Variants in USP34 observed in about 807,000 individuals in gnomAD.
USP34 encodes ubiquitin specific peptidase 34.
In USP34, 70 loss-of-function variants were observed where a neutral mutation model predicts 460.3. That is an observed-to-expected ratio of 0.15 (90% CI 0.13 to 0.19). The LOEUF (loss-of-function observed/expected upper bound fraction) is 0.19, where lower values mean the gene tolerates loss of function less well. Ranked by LOEUF, USP34 falls within the 10% of genes least tolerant of loss-of-function variation. The pLI is 1.00. For synonymous variants in USP34, 1,647 were observed against 1,405.3 expected (o/e 1.17, Z -3.85); for missense variants, 3,985 against 4,236.2 (o/e 0.94, Z 1.65).
intron 1 of USP34, among the ~76,000 whole-genome samples, chr2:61,463,529 A>G (rs1695668892): frequency 6.6e-6 from 1 of 152,022 alleles, no homozygotes; most frequent in Admixed American, 6.6e-5. Flanking sequence ...AATTTATACA[A>G]TGTTAACTAG....
intron 53 of USP34, among the ~76,000 whole-genome samples, chr2:61,237,410 C>T (rs1688099274): frequency 3.3e-5 from 5 of 152,106 alleles, no homozygotes; most frequent in Admixed American, 2.6e-4. Flanking sequence ...TCAACATGAT[C>T]TCCTGGACCT....
chr2:61,188,035 A>C lies in USP34; in HGVS notation c.*67T>G. ...AACTGAAGCACAAAAACAAATAAGC[A>C]AAACTTATACAAACAGCATGGGGGT... On this transcript the variant is annotated 3_prime_UTR_variant, in exon 80 of 80. Coordinates refer to ENST00000398571, the MANE Select transcript of USP34 (RefSeq NM_014709.4). 6.5e-7 allele frequency: 1 copy of C among 1,535,550 alleles called. No homozygotes were observed. The highest frequency in any genetic ancestry group is 1.4e-5 in the African/African-American group (1 of 72,250).
intron 10 of USP34, among the ~76,000 whole-genome samples, chr2:61,364,948 T>TATAA (rs554653056): frequency 0.015 from 2,192 of 148,680 alleles, 50 homozygotes; most frequent in African/African-American, 0.05. Context: ...AATTTAAAAA[T>TATAA]ATAAATAAAT....
intron 10 of USP34, among the ~76,000 whole-genome samples, chr2:61,366,974 A>G (rs1692460412): frequency 6.6e-6 from 1 of 152,146 alleles, no homozygotes; most frequent in South Asian, 2.1e-4. Flanking sequence ...ACTTGAGCCC[A>G]GGAGGCAGAA....
chr2:61,304,584 A>G (rs1009471666), intron 27 of USP34, among the ~76,000 whole-genome samples: 4 of 152,210 alleles, frequency 2.6e-5, no homozygotes, highest in African/African-American at 9.7e-5. Flanking sequence ...AGCTTGCTTG[A>G]GCCTTCTACC....
intron 75 of USP34, among the ~76,000 whole-genome samples, chr2:61,202,431 C>T (rs1193546221): frequency 6.6e-6 from 1 of 152,058 alleles, no homozygotes; most frequent in Admixed American, 6.5e-5. Flanking sequence ...CTCTGGAAGT[C>T]CTGAGATAGA....
chr2:61,270,537 G>A (rs1028599542), intron 41 of USP34, among the ~76,000 whole-genome samples: 1 of 152,198 alleles, frequency 6.6e-6, no homozygotes, highest in South Asian at 2.1e-4. Flanking sequence ...CCTGGTTCAA[G>A]GGATTCTCGT....
intron 71 of USP34, 99 bp downstream of exon 71, chr2:61,206,661 A>T: frequency 6.9e-7 from 1 of 1,445,924 alleles, no homozygotes; most frequent in Non-Finnish European, 9.3e-7. Flanking sequence ...CTGTGCATAA[A>T]CTAGGATAAA....
intron 41 of USP34, among the ~76,000 whole-genome samples, chr2:61,276,485 A>C (rs1197461922): frequency 6.6e-6 from 1 of 152,182 alleles, no homozygotes; most frequent in Non-Finnish European, 1.5e-5. Flanking sequence ...TGAATTTTAT[A>C]CATGCGTATT....
intron 18 of USP34, among the ~76,000 whole-genome samples, chr2:61,335,208 T>C (rs1047237394): frequency 5.3e-5 from 8 of 152,194 alleles, no homozygotes; most frequent in Non-Finnish European, 4.4e-5. Context: ...ATAAAACTCG[T>C]TCCAATAAAG....
In USP34 at chr2:61,280,106, A is replaced by G. The variant is rs527619806; in HGVS notation, c.5256+138T>C. ...TAGAAGAAGGTGGAAAAGCACAAAT[A>G]TAGTAGAAATAGGACACCACCACCA... is the stretch of plus-strand genomic sequence containing the variant. On this transcript the variant is annotated intron_variant, in intron 39 of 79. Transcript: ENST00000398571. The G allele has an allele frequency of 1.0e-4, 47 of 470,758 alleles. No individual in the cohort carries two copies. The South Asian group carries it at 2.9e-3, about 29-fold the overall frequency. The allele number at this position is 470,758 out of a possible 1,614,324, so 29.2% of individuals were successfully genotyped here. A position where few individuals can be genotyped will look rare whatever the true frequency, so the allele number is the denominator to read the frequency against.
intron 1 of USP34, among the ~76,000 whole-genome samples, chr2:61,440,159 C>G (rs1345163723): frequency 6.6e-6 from 1 of 152,138 alleles, no homozygotes; most frequent in African/African-American, 2.4e-5. Context: ...TCTAGGGCAT[C>G]AGGGTGGGCT....
intron 5 of USP34, among the ~76,000 whole-genome samples, chr2:61,393,209 T>C (rs1316017369): frequency 6.6e-6 from 1 of 152,120 alleles, no homozygotes; most frequent in Non-Finnish European, 1.5e-5. Flanking sequence ...GGCAGGAGGA[T>C]CACCTGAGGT....
chr2:61,398,380 A>G (rs1301841424), intron 3 of USP34, among the ~76,000 whole-genome samples: 1 of 143,254 alleles, frequency 7.0e-6, no homozygotes, highest in Non-Finnish European at 1.5e-5. Flanking sequence ...GAAGGAGGAG[A>G]GAGATGGGGG....
Position 61,278,560 on chromosome 2 carries a change from A to C in USP34, c.5257-117T>G, listed in dbSNP as rs1689441505. ...ATAATTTAGTTCTCCCAAATTCAAT[A>C]AGTTATAAACGTAATACACCTACTC... On this transcript the variant is annotated intron_variant, in intron 39 of 79. Coordinates refer to ENST00000398571, the MANE Select transcript of USP34 (RefSeq NM_014709.4). 16 of 792,354 alleles carry C rather than the reference A, an allele frequency of 2.0e-5. No homozygotes were observed. In the East Asian group the frequency reaches 4.5e-4, roughly 22 times the overall value. 49.1% of individuals were successfully genotyped at this position (792,354 alleles called of 1,614,324 possible).
intron 2 of USP34, chr2:61,417,143 T>C: frequency 6.3e-7 from 1 of 1,575,972 alleles, no homozygotes; most frequent in Non-Finnish European, 8.6e-7. Flanking sequence ...ATGTGAACCC[T>C]GGCCACAGTG....
At chr2:61,219,824 T>C (rs1687507309) in intron 67 of USP34, among the ~76,000 whole-genome samples, 1 of 152,122 alleles carries the variant, frequency 6.6e-6, no homozygotes, top group South Asian at 2.1e-4. Flanking sequence ...ACTATCAAAA[T>C]AACATTTTCT....
chr2:61,413,836 CAGG>C (rs1454168025), intron 2 of USP34, among the ~76,000 whole-genome samples: 3 of 144,426 alleles, frequency 2.1e-5, no homozygotes, highest in Non-Finnish European at 3.0e-5. Context: ...GAGGCTGAGG[CAGG>C]AGAATTGCCT....
intron 1 of USP34, among the ~76,000 whole-genome samples, chr2:61,464,452 A>C (rs1340395978): frequency 6.6e-6 from 1 of 152,212 alleles, no homozygotes; most frequent in African/African-American, 2.4e-5. Flanking sequence ...ATCCTTTCTG[A>C]AGTTCAACTT....
Sources: allele counts gnomAD v4.1 joint callset (sites outside exome capture counted in the v4.1 genomes callset), GRCh38; gene constraint gnomAD v4.1.1; transcripts MANE v1.5; gene names NCBI Gene and HGNC (gene_info 2026-07-23, HGNC 2026-07-21).